BBS9: variants seen among roughly 807,000 people sequenced by gnomAD.
The protein encoded by BBS9 is protein PTHB1.
A neutral mutation model predicts 117.7 loss-of-function variants in BBS9; 89 were observed. The observed-to-expected ratio is 0.76, with a 90% confidence interval of 0.64 to 0.90. The LOEUF (loss-of-function observed/expected upper bound fraction) is 0.90. Ranked by LOEUF, BBS9 falls within the 40% of genes least tolerant of loss-of-function variation. BBS9 has a pLI of 0.00. For synonymous variants in BBS9, 379 were observed against 370.9 expected, an observed-to-expected ratio of 1.02 and a Z score of -0.25; for missense variants, 982 against 1,042.2, an observed-to-expected ratio of 0.94 and a Z score of 0.80.
chr7:33,168,358 A>G (rs1413821320), intron 4 of BBS9, among the ~76,000 whole-genome samples: 1 of 152,140 alleles, frequency 6.6e-6, no homozygotes, highest in Non-Finnish European at 1.5e-5. Flanking sequence ...AGAAACCTGT[A>G]CTCTTTGATA....
At chr7:33,527,995 C>T (rs951118365) in intron 20 of BBS9, among the ~76,000 whole-genome samples, 3 of 152,190 alleles carry the variant, frequency 2.0e-5, no homozygotes, top group Non-Finnish European at 2.9e-5. Context: ...ATACGATTAG[C>T]TTTAGATATA....
intron 21 of BBS9, among the ~76,000 whole-genome samples, chr7:33,611,994 C>G (rs1383793263): frequency 6.6e-6 from 1 of 151,136 alleles, no homozygotes; most frequent in African/African-American, 2.4e-5. Flanking sequence ...CCATCAGTTG[C>G]ATGTATATCA....
intron 20 of BBS9, among the ~76,000 whole-genome samples, chr7:33,506,302 A>T: frequency 6.6e-6 from 1 of 152,166 alleles, no homozygotes; most frequent in Non-Finnish European, 1.5e-5. Flanking sequence ...GTGTGCTTTT[A>T]TTTACAAAAG....
chr7:33,616,187 G>A (rs1865120164), intron 21 of BBS9, among the ~76,000 whole-genome samples: 2 of 132,998 alleles, frequency 1.5e-5, no homozygotes, highest in African/African-American at 7.1e-5. Flanking sequence ...AACAGATAAT[G>A]TTTATTCAAA....
At chr7:33,544,917 G>A (rs528076898) in intron 21 of BBS9, among the ~76,000 whole-genome samples, 2 of 152,166 alleles carry the variant, frequency 1.3e-5, no homozygotes, top group Admixed American at 6.5e-5. Flanking sequence ...CTAGAGTTGT[G>A]TACCTAGGAG....
intron 19 of BBS9, among the ~76,000 whole-genome samples, chr7:33,501,432 A>G (rs1845425710): frequency 2.6e-5 from 4 of 152,168 alleles, no homozygotes. Context: ...TTCTGTGACC[A>G]TTTGGGGATA....
intron 5 of BBS9, among the ~76,000 whole-genome samples, chr7:33,245,346 G>C (rs1429392829): frequency 1.3e-5 from 2 of 151,810 alleles, no homozygotes; most frequent in African/African-American, 4.8e-5. Context: ...AGATCTTAGT[G>C]TTTCTAGTGT....
chr7:33,317,224 C>A lies in BBS9; in HGVS notation c.1017-19217C>A, dbSNP rs377242244. Among the ~76,000 whole-genome samples the A allele has an allele frequency of 3.1e-4, 47 of 152,248 alleles. No homozygotes were observed. In the East Asian group the frequency reaches 7.7e-3, roughly 25 times the overall value. On this transcript the variant is annotated intron_variant, in intron 9 of 22. Transcript: ENST00000242067. ...TTCCATTGATCTGTTTAGTCTCATG[C>A]CAATACCACATTGTCTTGATTACTG...
chr7:33,507,025 G>C (rs1846236818), intron 20 of BBS9, among the ~76,000 whole-genome samples: 1 of 152,138 alleles, frequency 6.6e-6, no homozygotes, highest in South Asian at 2.1e-4. Flanking sequence ...AATCACTGTG[G>C]TTCAGTTTCT....
intron 7 of BBS9, among the ~76,000 whole-genome samples, chr7:33,267,018 C>T (rs1271956868): frequency 1.3e-5 from 2 of 152,170 alleles, no homozygotes; most frequent in African/African-American, 4.8e-5. Flanking sequence ...GCTAGGATTA[C>T]AGGCATGAGC....
At chr7:33,304,905 T>C (rs1198938503) in intron 9 of BBS9, among the ~76,000 whole-genome samples, 2 of 152,118 alleles carry the variant, frequency 1.3e-5, no homozygotes, top group African/African-American at 2.4e-5. Context: ...CGGTGCAAGA[T>C]GTGCTTTGTT....
At chr7:33,153,095 C>T (rs1242840389) in intron 3 of BBS9, among the ~76,000 whole-genome samples, 2 of 152,000 alleles carry the variant, frequency 1.3e-5, no homozygotes, top group African/African-American at 4.8e-5. Context: ...AGCTTAAAAA[C>T]AAAGAGATAA....
intron 20 of BBS9, among the ~76,000 whole-genome samples, chr7:33,533,320 G>A (rs1850867829): frequency 6.6e-6 from 1 of 152,166 alleles, no homozygotes; most frequent in African/African-American, 2.4e-5. Flanking sequence ...CAAAAGTGGG[G>A]GCAATGGCCT....
At chr7:33,180,411 A>G (rs1797932131) in intron 5 of BBS9, among the ~76,000 whole-genome samples, 1 of 145,124 alleles carries the variant, frequency 6.9e-6, no homozygotes, top group African/African-American at 2.6e-5. Context: ...ATCAGGCTGG[A>G]GTGCAGCGGT....
At position 33,430,351 on chromosome 7, in the gene BBS9, A is replaced by C. The variant is rs536389158; in HGVS notation, c.2115+42207A>C. Among the ~76,000 whole-genome samples the C allele has an allele frequency of 8.5e-5, 13 of 152,284 alleles. No individual in the cohort carries two copies. In the South Asian group the frequency reaches 2.7e-3, roughly 32 times the overall value. On this transcript the variant is annotated intron_variant, in intron 19 of 22. Transcript: ENST00000242067. ...GTTCTACTAAACATTTTTCTTATTT[A>C]TTTGTTAATAATTATGTTTGTTCTC...
At chr7:33,142,562 C>T (rs1003778189) in intron 1 of BBS9, among the ~76,000 whole-genome samples, 9 of 152,172 alleles carry the variant, frequency 5.9e-5, no homozygotes, top group East Asian at 3.9e-4. Flanking sequence ...TCTCATCTTG[C>T]GAAGTCAACA....
At chr7:33,445,718 G>T (rs938694930) in intron 19 of BBS9, among the ~76,000 whole-genome samples, 7 of 152,188 alleles carry the variant, frequency 4.6e-5, no homozygotes, top group Non-Finnish European at 5.9e-5. Flanking sequence ...TTGAGGGAGG[G>T]ACCTGGTGGG....
At chr7:33,566,282 G>T (rs1391385507) in intron 21 of BBS9, among the ~76,000 whole-genome samples, 1 of 126,274 alleles carries the variant, frequency 7.9e-6, no homozygotes, top group Non-Finnish European at 1.7e-5. Context: ...CTGTACTTTT[G>T]CCAAGTTTGA....
intron 19 of BBS9, among the ~76,000 whole-genome samples, chr7:33,429,430 C>A (rs375377583): frequency 4.0e-5 from 6 of 151,894 alleles, no homozygotes; most frequent in African/African-American, 4.8e-5. Context: ...TATTTTTATT[C>A]TTTAAGAACA....
Sources: gnomAD v4.1 joint callset for allele counts (sites outside exome capture counted in the v4.1 genomes callset) on GRCh38, gnomAD v4.1.1 for gene constraint, MANE v1.5 for transcripts, NCBI Gene and HGNC (gene_info 2026-07-23, HGNC 2026-07-21) for gene names.